AKAP3: variants seen among roughly 807,000 people sequenced by gnomAD.
AKAP3 encodes the protein A-kinase anchor protein 3.
In AKAP3, 27 loss-of-function variants were observed where a neutral mutation model predicts 57.2. The observed-to-expected ratio is 0.47, with a 90% CI of 0.35 to 0.65. The LOEUF (loss-of-function observed/expected upper bound fraction) is 0.65. Among genes scored for constraint, AKAP3 ranks in the 30% least tolerant of loss-of-function variants. The pLI is 0.01. For missense variants in AKAP3, 959 were observed against 1,040.0 expected, an observed-to-expected ratio of 0.92 and a Z score of 1.07; for synonymous variants, 334 against 392.3, an observed-to-expected ratio of 0.85 and a Z score of 1.76.
intron 5 of AKAP3, 71 bp downstream of exon 5, chr12:4,626,425 A>G: frequency 6.6e-7 from 1 of 1,517,394 alleles, no homozygotes; most frequent in Admixed American, 2.0e-5. Context: ...CCCATTCAGA[A>G]AGAAACCAGA....
chr12:4,641,370 C>A (rs1487664288), intron 3 of AKAP3, among the ~76,000 whole-genome samples: 1 of 152,158 alleles, frequency 6.6e-6, no homozygotes, highest in Non-Finnish European at 1.5e-5. Context: ...AGGCGCTCCA[C>A]ATCTGGCTAA....
chr12:4,646,029 T>TA (rs531535497), intron 1 of AKAP3, among the ~76,000 whole-genome samples: 273 of 152,276 alleles, frequency 1.8e-3, no homozygotes, highest in African/African-American at 6.3e-3. Context: ...TTGCCTTCTG[T>TA]AAAAAAATTA....
intron 1 of AKAP3, chr12:4,648,340 G>A (rs1945723983): frequency 6.6e-6 from 1 of 152,210 alleles, no homozygotes; most frequent in South Asian, 2.1e-4. Context: ...CAGATTTCCC[G>A]AAGCCCACTC....
chr12:4,619,487 G>T (rs1370835106), intron 5 of AKAP3, among the ~76,000 whole-genome samples: 2 of 152,058 alleles, frequency 1.3e-5, no homozygotes, highest in Non-Finnish European at 2.9e-5. Flanking sequence ...AGCCTAGGGA[G>T]TTTGAGGCTG....
chr12:4,645,295 G>A (rs1945685619), intron 1 of AKAP3, 103 bp from the exon 2 acceptor site: 1 of 152,308 alleles, frequency 6.6e-6, no homozygotes, highest in South Asian at 2.1e-4. Context: ...AAGAGGAGGG[G>A]TGAAGATATA....
chr12:4,623,694 G>A (rs917346194), intron 5 of AKAP3, among the ~76,000 whole-genome samples: 1 of 151,956 alleles, frequency 6.6e-6, no homozygotes, highest in East Asian at 1.9e-4. Context: ...CAACAAACCC[G>A]TGTGACATGA....
At position 4,628,236 on chromosome 12, in the gene AKAP3, C is replaced by T. The variant is rs1945450330; in HGVS notation, c.666G>A (p.Glu222=). Residue 222 remains glutamate, a synonymous_variant, in exon 5 of 6, where the codon GAG becomes GAA. Coordinates refer to ENST00000228850, the MANE Select transcript of AKAP3 (RefSeq NM_001278309.2). ...CTGGACCCTGTCTTTCTTTGGTGCT[C>T]TCCTTGATCTTCAAAGTGGACTTGT... ...LKYKSTLKIK[E]STKERQGPDD... 1 of 1,614,126 alleles carries T rather than the reference C, an allele frequency of 6.2e-7. No individual in the cohort carries two copies. Among genetic ancestry groups the T allele is most frequent in the Non-Finnish European group, 8.5e-7 (1 of 1,179,986 alleles).
intron 5 of AKAP3, 27 bp from the exon 6 acceptor site, chr12:4,615,921 G>A (rs768113704): frequency 1.2e-6 from 2 of 1,613,622 alleles, no homozygotes; most frequent in East Asian, 2.2e-5. Context: ...AACACCAGTG[G>A]TGAGGCACAG....
chr12:4,619,073 C>T (rs939768867), intron 5 of AKAP3, among the ~76,000 whole-genome samples: 5 of 152,128 alleles, frequency 3.3e-5, no homozygotes, highest in African/African-American at 1.2e-4. Context: ...GAATAACGTG[C>T]TCAATATTTC....
At position 4,628,136 on chromosome 12, in the gene AKAP3, CT is replaced by C. The variant is rs770163349; in HGVS notation, c.765del (p.Glu256ArgfsTer31). The C allele has an allele frequency of 3.8e-5, 62 of 1,614,180 alleles. No individual in the cohort carries two copies. The highest frequency in any genetic ancestry group is 5.3e-5 in the Non-Finnish European group (62 of 1,180,012). Reference protein sequence around the residue: ...VFESRNGDYAREGGRFFPRER... With the variant: ...VFESRNGDYAXEGGRFFPRER... ...TCCCGAGGAAAGAACCTTCCACCCTCTCTGGCATAATCTCCATTACGAGATT... is the reference window on the plus strand; with the variant it reads ...TCCCGAGGAAAGAACCTTCCACCCTCCTGGCATAATCTCCATTACGAGATT... On this transcript the variant is annotated frameshift_variant, in exon 5 of 6. Coordinates refer to ENST00000228850, the MANE Select transcript of AKAP3 (RefSeq NM_001278309.2). LOFTEE classifies it high-confidence loss of function.
intron 2 of AKAP3, among the ~76,000 whole-genome samples, chr12:4,644,595 G>A (rs1460637098): frequency 6.6e-6 from 1 of 152,190 alleles, no homozygotes; most frequent in Non-Finnish European, 1.5e-5. Flanking sequence ...CTTATTTCCA[G>A]AGGACTCACA....
chr12:4,630,895 T>A (rs1487774111), intron 4 of AKAP3, among the ~76,000 whole-genome samples: 1 of 152,238 alleles, frequency 6.6e-6, no homozygotes, highest in Non-Finnish European at 1.5e-5. Context: ...ATGAGTTAAA[T>A]AAAATCTTTA....
At chr12:4,615,972 C>T in intron 5 of AKAP3, 78 bp from the exon 6 acceptor site, 3 of 1,559,126 alleles carry the variant, frequency 1.9e-6, no homozygotes, top group South Asian at 2.4e-5. Context: ...AAGGCTGGAG[C>T]AGAGAGGCCA....
chr12:4,628,916 A>G (rs1731489271), intron 4 of AKAP3, 111 bp from the exon 5 acceptor site: 1 of 1,147,368 alleles, frequency 8.7e-7, no homozygotes, highest in Non-Finnish European at 1.2e-6. Context: ...AGCTTGCTCC[A>G]TCTTGGCAAT....
intron 2 of AKAP3, among the ~76,000 whole-genome samples, chr12:4,642,458 T>A (rs1010856278): frequency 2.0e-5 from 3 of 152,220 alleles, no homozygotes; most frequent in African/African-American, 4.8e-5. Context: ...TTCATAGATA[T>A]CTTCCAGATT....
At chr12:4,616,280 ATCAAT>A (rs1298740143) in intron 5 of AKAP3, among the ~76,000 whole-genome samples, 2 of 152,214 alleles carry the variant, frequency 1.3e-5, no homozygotes, top group Admixed American at 6.5e-5. Flanking sequence ...CACCTCAGAG[ATCAAT>A]TCAACCCTCA....
intron 4 of AKAP3, among the ~76,000 whole-genome samples, chr12:4,637,833 TTATA>T (rs1270222672): frequency 2.6e-5 from 4 of 152,306 alleles, no homozygotes; most frequent in Non-Finnish European, 5.9e-5. Flanking sequence ...ACATATATAT[TTATA>T]TATACATACA....
At position 4,628,095 on chromosome 12, in the gene AKAP3, T is replaced by C. The variant is rs1167647429; in HGVS notation, c.807A>G (p.Arg269=). The change falls in exon 5 of 6, where the codon CGA becomes CGG. Residue 269 remains arginine, a synonymous_variant. Coordinates refer to ENST00000228850, the MANE Select transcript of AKAP3 (RefSeq NM_001278309.2). ...TAAAGTCATCAGGCCTTTCCTGCCC[T>C]CGAAACCTCTTTCTCTCCCGAGGAA... ...RFFPRERKRF[R]GQERPDDFTA... The C allele has an allele frequency of 6.2e-7, 1 of 1,614,024 alleles. No homozygotes were observed. Among genetic ancestry groups the C allele is most frequent in the Non-Finnish European group, 8.5e-7 (1 of 1,180,020 alleles).
intron 3 of AKAP3, among the ~76,000 whole-genome samples, chr12:4,639,750 A>G (rs1006282659): frequency 1.3e-5 from 2 of 151,614 alleles, no homozygotes; most frequent in East Asian, 3.9e-4. Context: ...TACAAAGGAC[A>G]TGAACTCATC....
Sources: gnomAD v4.1 joint callset for allele counts (sites outside exome capture counted in the v4.1 genomes callset) on GRCh38, gnomAD v4.1.1 for gene constraint, MANE v1.5 for transcripts, NCBI Gene and HGNC (gene_info 2026-07-23, HGNC 2026-07-21) for gene names.